The following DLG2 variants were observed in gnomAD, a reference collection of about 807,000 sequenced individuals.
DLG2 encodes discs large MAGUK scaffold protein 2.
A neutral mutation model predicts 132.5 loss-of-function variants in DLG2; 45 were observed. That is an observed-to-expected ratio of 0.34 (90% CI 0.27 to 0.44). DLG2 has a LOEUF of 0.44. Among genes scored for constraint, DLG2 ranks in the 20% least tolerant of loss-of-function variants. DLG2 has a pLI of 1.00. For missense variants in DLG2, 1,045 were observed against 1,196.9 expected, an observed-to-expected ratio of 0.87 and a Z score of 1.87; for synonymous variants, 424 against 419.6, an observed-to-expected ratio of 1.01 and a Z score of -0.13.
chr11:83,840,956 T>C (rs1281207139), intron 16 of DLG2, among the ~76,000 whole-genome samples: 1 of 152,206 alleles, frequency 6.6e-6, no homozygotes, highest in African/African-American at 2.4e-5. Flanking sequence ...TTGTCTTTTT[T>C]TTCCTTTTAT....
intron 6 of DLG2, among the ~76,000 whole-genome samples, chr11:84,572,180 T>G (rs1042830954): frequency 1.3e-5 from 2 of 152,126 alleles, no homozygotes; most frequent in Admixed American, 1.3e-4. Context: ...AACTTGTCAT[T>G]TAGCATTAGG....
chr11:85,150,477 A>G (rs2077169407), intron 5 of DLG2, among the ~76,000 whole-genome samples: 1 of 152,106 alleles, frequency 6.6e-6, no homozygotes, highest in African/African-American at 2.4e-5. Flanking sequence ...AACTGAAACT[A>G]TATAACCAAT....
chr11:84,489,584 C>A (rs572131140), intron 7 of DLG2, among the ~76,000 whole-genome samples: 1 of 152,150 alleles, frequency 6.6e-6, no homozygotes, highest in South Asian at 2.1e-4. Flanking sequence ...AAACCTAGCT[C>A]CTAATAATTT....
At chr11:84,796,187 T>A (rs1190603716) in intron 6 of DLG2, among the ~76,000 whole-genome samples, 1 of 152,240 alleles carries the variant, frequency 6.6e-6, no homozygotes, top group African/African-American at 2.4e-5. Flanking sequence ...ATTCATTGTA[T>A]GCCTGTATCA....
At chr11:84,535,768 G>A (rs1320378514) in intron 6 of DLG2, among the ~76,000 whole-genome samples, 3 of 152,132 alleles carry the variant, frequency 2.0e-5, no homozygotes, top group Non-Finnish European at 4.4e-5. Context: ...CTCTACATCT[G>A]ACCTCTTAAT....
At chr11:83,661,119 G>A (rs984443727) in intron 18 of DLG2, among the ~76,000 whole-genome samples, 30 of 152,028 alleles carry the variant, frequency 2.0e-4, no homozygotes, top group Non-Finnish European at 1.2e-4. Context: ...CTCCTGCTTT[G>A]CCCGAGGTTA....
At chr11:84,582,332 AT>A (rs2099518478) in intron 6 of DLG2, among the ~76,000 whole-genome samples, 1 of 150,522 alleles carries the variant, frequency 6.6e-6, no homozygotes, top group Admixed American at 6.7e-5. Context: ...TAAAATATAT[AT>A]GTATTTTACT....
At chr11:85,585,043 T>C (rs369768986) in intron 3 of DLG2, among the ~76,000 whole-genome samples, 2 of 152,332 alleles carry the variant, frequency 1.3e-5, no homozygotes, top group African/African-American at 4.8e-5. Flanking sequence ...TTGTTGCATT[T>C]GCTTTTGGGT....
intron 3 of DLG2, among the ~76,000 whole-genome samples, chr11:85,361,638 C>G (rs2084164350): frequency 6.6e-6 from 1 of 152,168 alleles, no homozygotes. Flanking sequence ...GACATGATTT[C>G]AGGACTTTTT....
intron 3 of DLG2, among the ~76,000 whole-genome samples, chr11:85,552,442 TC>T (rs2076717920): frequency 6.6e-6 from 1 of 151,432 alleles, no homozygotes; most frequent in Non-Finnish European, 1.5e-5. Context: ...AAAGGGAGTA[TC>T]AGTAGACACA....
intron 6 of DLG2, among the ~76,000 whole-genome samples, chr11:84,595,646 A>C (rs952616173): frequency 1.3e-5 from 2 of 152,188 alleles, no homozygotes; most frequent in Non-Finnish European, 2.9e-5. Flanking sequence ...AAGGTAGTGA[A>C]GCTTTCATAG....
chr11:84,624,786 C>T (rs1439902963), intron 6 of DLG2, among the ~76,000 whole-genome samples: 1 of 149,650 alleles, frequency 6.7e-6, no homozygotes, highest in African/African-American at 2.5e-5. Flanking sequence ...CATCTTAAGA[C>T]TAGCATGATA....
chr11:85,063,693 T>A (rs1342068527), intron 6 of DLG2, among the ~76,000 whole-genome samples: 1 of 151,864 alleles, frequency 6.6e-6, no homozygotes, highest in African/African-American at 2.4e-5. Context: ...TTTTTCCCAT[T>A]CTTTCTTGAA....
In DLG2 at chr11:84,393,656, T is replaced by A. The variant is rs553938947; in HGVS notation, c.519+140914A>T. Among the ~76,000 whole-genome samples the A allele has an allele frequency of 1.1e-4, 17 of 152,116 alleles. 1 individual carries two copies. Among genetic ancestry groups the A allele is most frequent in the Non-Finnish European group, 1.2e-4 (8 of 68,014 alleles). On this transcript the variant is annotated intron_variant, in intron 7 of 27. Transcript: ENST00000376104. The stretch of plus-strand genomic sequence containing the variant: ...CATATTTGGCTTTCTAGCTACCTTA[T>A]TTTTGCTCTTAATTTGCCCAAACTG...
intron 3 of DLG2, among the ~76,000 whole-genome samples, chr11:85,294,388 T>C (rs1251848438): frequency 6.6e-6 from 1 of 150,590 alleles, no homozygotes; most frequent in Non-Finnish European, 1.5e-5. Flanking sequence ...CGAAGAGGAA[T>C]GAAGTATACA....
intron 21 of DLG2, among the ~76,000 whole-genome samples, chr11:83,503,115 A>T (rs538953319): frequency 1.3e-5 from 2 of 151,904 alleles, no homozygotes; most frequent in Admixed American, 6.6e-5. Flanking sequence ...GTGCACGCAA[A>T]GTACTCAAGG....
intron 3 of DLG2, among the ~76,000 whole-genome samples, chr11:85,392,259 T>C (rs937448674): frequency 1.3e-5 from 2 of 151,984 alleles, no homozygotes; most frequent in Non-Finnish European, 2.9e-5. Context: ...CAAGGAAAAC[T>C]ACAAAACATT....
chr11:84,004,322 A>G lies in DLG2; in HGVS notation c.920-23680T>C, dbSNP rs558092337. On this transcript the variant is annotated intron_variant, in intron 11 of 27. Coordinates refer to ENST00000376104, the MANE Select transcript of DLG2 (RefSeq NM_001142699.3). ...AAACATAATATATCACATCAACAGA[A>G]GGAAGCACAAGAATCATATGATCAT... Among the ~76,000 whole-genome samples, 3 of 152,260 alleles carry G rather than the reference A, an allele frequency of 2.0e-5. No homozygotes were observed. The South Asian group carries it at 6.2e-4, about 32-fold the overall frequency.
intron 17 of DLG2, among the ~76,000 whole-genome samples, chr11:83,827,567 C>T: frequency 6.6e-6 from 1 of 152,184 alleles, no homozygotes; most frequent in East Asian, 1.9e-4. Context: ...TCTTGAAACA[C>T]ACTTTGTTAA....
Sources: gnomAD v4.1 joint callset for allele counts (sites outside exome capture counted in the v4.1 genomes callset) on GRCh38, gnomAD v4.1.1 for gene constraint, MANE v1.5 for transcripts, NCBI Gene and HGNC (gene_info 2026-07-23, HGNC 2026-07-21) for gene names.